Variants in SORCS3 observed in about 807,000 individuals in gnomAD.
The protein encoded by SORCS3 is sortilin related VPS10 domain containing receptor 3, also known as VPS10 domain-containing receptor SorCS3.
A neutral mutation model predicts 146.3 loss-of-function variants in SORCS3; 57 were observed. The ratio of observed to expected loss-of-function variants is 0.39; its 90% CI spans 0.31 to 0.49. The LOEUF is 0.49. Among genes scored for constraint, SORCS3 ranks in the 20% least tolerant of loss-of-function variants. SORCS3 has a pLI of 0.92. For synonymous variants in SORCS3, 653 were observed against 618.5 expected (o/e 1.06, Z -0.83); for missense variants, 1,341 against 1,575.5 (o/e 0.85, Z 2.52).
intron 7 of SORCS3, among the ~76,000 whole-genome samples, chr10:105,128,821 A>G (rs749331878): frequency 7.9e-5 from 12 of 152,162 alleles, no homozygotes; most frequent in Non-Finnish European, 1.2e-4. Context: ...TATTATAACA[A>G]TCTAATCATT....
intron 3 of SORCS3, among the ~76,000 whole-genome samples, chr10:104,965,215 A>G (rs1400817776): frequency 1.3e-5 from 2 of 152,192 alleles, no homozygotes; most frequent in Non-Finnish European, 2.9e-5. Flanking sequence ...TTTCAATTGC[A>G]AGAGTCTTGT....
chr10:105,160,583 T>A (rs1360301903), intron 11 of SORCS3, among the ~76,000 whole-genome samples: 1 of 152,136 alleles, frequency 6.6e-6, no homozygotes, highest in Non-Finnish European at 1.5e-5. Flanking sequence ...GCCAAGGTGG[T>A]GCCACTGCAC....
intron 24 of SORCS3, 30 bp downstream of exon 24, chr10:105,255,831 GA>G: frequency 6.6e-7 from 1 of 1,509,532 alleles, no homozygotes; most frequent in Non-Finnish European, 9.2e-7. Context: ...GGGGAAATGG[GA>G]AAGAGGATCT....
At chr10:104,947,696 C>T (rs1477981837) in intron 3 of SORCS3, among the ~76,000 whole-genome samples, 1 of 152,138 alleles carries the variant, frequency 6.6e-6, no homozygotes, top group Non-Finnish European at 1.5e-5. Flanking sequence ...AATCTTGGCT[C>T]AGTGCAATCT....
intron 17 of SORCS3, among the ~76,000 whole-genome samples, chr10:105,211,579 G>A (rs928113143): frequency 3.3e-5 from 5 of 152,142 alleles, no homozygotes; most frequent in African/African-American, 9.7e-5. Context: ...CAAGTGATGT[G>A]CAGATATTAC....
chr10:104,784,203 C>A (rs1375139217), intron 1 of SORCS3, among the ~76,000 whole-genome samples: 3 of 152,178 alleles, frequency 2.0e-5, no homozygotes, highest in African/African-American at 4.8e-5. Context: ...GTGGTTCTCA[C>A]CTCGGGTGAT....
At chr10:104,676,673 G>A (rs2015916416) in intron 1 of SORCS3, among the ~76,000 whole-genome samples, 1 of 152,188 alleles carries the variant, frequency 6.6e-6, no homozygotes, top group South Asian at 2.1e-4. Flanking sequence ...ACTGCACTCA[G>A]AGGAAGAGTA....
At chr10:105,146,945 T>C (rs1250224245) in intron 8 of SORCS3, among the ~76,000 whole-genome samples, 1 of 152,162 alleles carries the variant, frequency 6.6e-6, no homozygotes, top group Non-Finnish European at 1.5e-5. Context: ...GCAGTGCTTG[T>C]ATTTTGACCC....
At chr10:105,018,991 A>G (rs886696563) in intron 4 of SORCS3, among the ~76,000 whole-genome samples, 4 of 151,988 alleles carry the variant, frequency 2.6e-5, no homozygotes, top group Non-Finnish European at 5.9e-5. Context: ...CTTGTCCTCC[A>G]TGTTGAAATT....
chr10:105,036,656 G>A (rs556779996), intron 4 of SORCS3, among the ~76,000 whole-genome samples: 18 of 152,264 alleles, frequency 1.2e-4, no homozygotes, highest in African/African-American at 3.6e-4. Context: ...AACTGAAGAC[G>A]CAGGTTGGAA....
chr10:105,223,155 C>A lies in SORCS3; in HGVS notation c.2774C>A (p.Ala925Asp). 1 of 1,611,502 alleles carries A rather than the reference C, an allele frequency of 6.2e-7. No individual in the cohort carries two copies. The highest frequency in any genetic ancestry group is 8.5e-7 in the Non-Finnish European group (1 of 1,178,098). Reference sequence around the variant, plus strand: ...GTTCATCTCCGAGTTCCATTTGTTGCCATAAGAAATAAGGAGGTCAACATC... The same window carrying A: ...GTTCATCTCCGAGTTCCATTTGTTGACATAAGAAATAAGGAGGTCAACATC... Reference protein sequence around the residue: ...EHVHLRVPFVAIRNKEVNISA... With the variant: ...EHVHLRVPFVDIRNKEVNISA... The change falls in exon 20 of 27, where the codon GCC becomes GAC. Residue 925 changes from alanine to aspartate, a missense_variant. Coordinates refer to ENST00000369701, the MANE Select transcript of SORCS3 (RefSeq NM_014978.3).
intron 2 of SORCS3, among the ~76,000 whole-genome samples, chr10:104,843,598 G>A (rs2018169040): frequency 6.6e-6 from 1 of 152,226 alleles, no homozygotes; most frequent in African/African-American, 2.4e-5. Context: ...TGTGCACACA[G>A]GACGAGGGAG....
intron 5 of SORCS3, among the ~76,000 whole-genome samples, chr10:105,070,426 C>T (rs1477992988): frequency 2.0e-5 from 3 of 152,182 alleles, no homozygotes; most frequent in Non-Finnish European, 2.9e-5. Flanking sequence ...TTCAGATTCA[C>T]CACCAGGGAG....
At chr10:105,173,191 AG>A (rs2056373670) in intron 13 of SORCS3, among the ~76,000 whole-genome samples, 1 of 152,160 alleles carries the variant, frequency 6.6e-6, no homozygotes, top group African/African-American at 2.4e-5. Context: ...AAGCGCCTGT[AG>A]TCCCAGCTTC....
At chr10:105,123,261 G>A (rs2055948250) in intron 7 of SORCS3, among the ~76,000 whole-genome samples, 1 of 152,208 alleles carries the variant, frequency 6.6e-6, no homozygotes, top group South Asian at 2.1e-4. Context: ...CAAAGCAGCG[G>A]ACTGTATGAC....
At chr10:104,911,303 T>C (rs1462183320) in intron 2 of SORCS3, among the ~76,000 whole-genome samples, 1 of 152,184 alleles carries the variant, frequency 6.6e-6, no homozygotes, top group Non-Finnish European at 1.5e-5. Context: ...ATAGGACTTG[T>C]TCCTCTGAGA....
At chr10:105,122,583 T>A (rs912373531) in intron 7 of SORCS3, among the ~76,000 whole-genome samples, 9 of 152,198 alleles carry the variant, frequency 5.9e-5, no homozygotes, top group Non-Finnish European at 1.3e-4. Context: ...CCTGATACTG[T>A]TCTAAATGAA....
intron 2 of SORCS3, among the ~76,000 whole-genome samples, chr10:104,908,909 C>G (rs551291796): frequency 5.9e-5 from 9 of 152,276 alleles, no homozygotes; most frequent in Admixed American, 3.9e-4. Context: ...GAATGCCAGA[C>G]AGAGGCAGAT....
rs531296494 is a variant in SORCS3, at chr10:104,753,031, A to G, written c.628-89761A>G. On this transcript the variant is annotated intron_variant, in intron 1 of 26. Transcript: ENST00000369701. ...CATGGAAACTGGGACTTTGGCTTCA[A>G]AAGTAATTTTGAACTAAACTCTTCT... Among the ~76,000 whole-genome samples, 7 of 152,348 alleles carry G rather than the reference A, an allele frequency of 4.6e-5. No homozygotes were observed. The South Asian group carries it at 1.2e-3, about 27-fold the overall frequency.
Sources: gnomAD v4.1 joint callset for allele counts (sites outside exome capture counted in the v4.1 genomes callset) on GRCh38, gnomAD v4.1.1 for gene constraint, MANE v1.5 for transcripts, NCBI Gene and HGNC (gene_info 2026-07-23, HGNC 2026-07-21) for gene names.